Variants in WDR36 observed in about 807,000 individuals in gnomAD.
WDR36 encodes the protein WD repeat domain 36.
Under a neutral mutation model 112.7 loss-of-function variants are expected in WDR36, and 63 were observed. The ratio of observed to expected loss-of-function variants is 0.56; its 90% CI spans 0.46 to 0.69. The LOEUF is 0.69. WDR36 is among the 30% of genes least tolerant of loss of function. The pLI is 0.00. For missense variants in WDR36, 1,226 were observed against 1,070.3 expected (o/e 1.15, Z -2.03); for synonymous variants, 410 against 362.2 (o/e 1.13, Z -1.50).
intron 14 of WDR36, 73 bp from the exon 15 acceptor site, chr5:111,111,097 A>T: frequency 6.4e-7 from 1 of 1,560,778 alleles, no homozygotes; most frequent in South Asian, 1.1e-5. Context: ...TTGATTTAAC[A>T]AAATTCAAGT....
At chr5:111,108,842 A>G (rs1753269697) in intron 12 of WDR36, among the ~76,000 whole-genome samples, 1 of 151,414 alleles carries the variant, frequency 6.6e-6, no homozygotes, top group Middle Eastern at 3.4e-3. Context: ...CTTATAGCCC[A>G]TAGGGATCAC....
chr5:111,109,410 CAA>C (rs1180463395), intron 12 of WDR36, among the ~76,000 whole-genome samples: 1 of 151,174 alleles, frequency 6.6e-6, no homozygotes, highest in East Asian at 1.9e-4. Flanking sequence ...TATGTCGTGA[CAA>C]AGTGGTATGT....
intron 16 of WDR36, 120 bp from the exon 17 acceptor site, chr5:111,118,893 A>T (rs1753508351): frequency 2.7e-6 from 2 of 753,186 alleles, no homozygotes; most frequent in East Asian, 2.7e-5. Flanking sequence ...GCTGGTGATT[A>T]AAAAAAAGAA....
At chr5:111,093,178 A>G (rs1752904060) in intron 1 of WDR36, among the ~76,000 whole-genome samples, 1 of 152,242 alleles carries the variant, frequency 6.6e-6, no homozygotes, top group South Asian at 2.1e-4. Context: ...ATTATACCGT[A>G]GCACCTTTAT....
intron 19 of WDR36, among the ~76,000 whole-genome samples, chr5:111,122,833 G>T (rs2112590312): frequency 6.6e-6 from 1 of 152,146 alleles, no homozygotes; most frequent in East Asian, 1.9e-4. Context: ...ATGTTCCTGA[G>T]AGGTGGGGCA....
At chr5:111,093,273 T>C (rs1752906612) in intron 1 of WDR36, among the ~76,000 whole-genome samples, 1 of 152,244 alleles carries the variant, frequency 6.6e-6, no homozygotes, top group South Asian at 2.1e-4. Flanking sequence ...ATTGTAATAG[T>C]GTCTCTTGTT....
intron 19 of WDR36, 123 bp from the exon 20 acceptor site, chr5:111,123,682 A>C: frequency 7.8e-7 from 1 of 1,286,770 alleles, no homozygotes; most frequent in Admixed American, 2.0e-5. Flanking sequence ...TAACATTCTT[A>C]TGTGAAAGAG....
chr5:111,119,195 T>A, intron 17 of WDR36, 75 bp downstream of exon 17: 1 of 1,163,666 alleles, frequency 8.6e-7, no homozygotes, highest in Non-Finnish European at 1.3e-6. Flanking sequence ...GCTAAAATTG[T>A]CATTTAGGCT....
chr5:111,097,034 A>G (rs1256261710), intron 2 of WDR36, 45 bp from the exon 3 acceptor site: 1 of 1,433,542 alleles, frequency 7.0e-7, no homozygotes, highest in East Asian at 2.3e-5. Flanking sequence ...TTTCTCTTTA[A>G]CATCTTAAAA....
rs1187455844 is a variant in WDR36 at position 111,127,762 on chromosome 5, T to G, written c.*879T>G. 1.4e-5 allele frequency: 3 copies of G among 210,720 alleles called. No individual in the cohort carries two copies. The highest frequency in any genetic ancestry group is 6.8e-5 in the African/African-American group (3 of 44,126). 13.1% of individuals were successfully genotyped at this position (210,720 alleles called of 1,614,324 possible). ...CAAATTCCATTGGAAGATGGCCTTT[T>G]ACTGACACTGCAGACATGTAGATAA... On this transcript the variant is annotated 3_prime_UTR_variant, in exon 23 of 23. Coordinates refer to ENST00000513710, the MANE Select transcript of WDR36 (RefSeq NM_139281.3).
At position 111,119,009 on chromosome 5, in the gene WDR36, G is replaced by A. The variant is rs1006549886; in HGVS notation, c.1797-4G>A. On this transcript the variant is annotated splice_region_variant and splice_polypyrimidine_tract_variant and intron_variant, in intron 16 of 22. Transcript: ENST00000513710. ...TACTTTTAACATGTTAATTATTTCT[G>A]TAGCCTTATAGACTGCTTTTTGTTG... is the stretch of plus-strand genomic sequence containing the variant. The A allele has an allele frequency of 3.7e-6, 6 of 1,608,012 alleles. No individual in the cohort carries two copies. In the African/African-American group the frequency reaches 5.3e-5, roughly 14 times the overall value.
At chr5:111,096,761 A>G (rs1323599033) in intron 2 of WDR36, among the ~76,000 whole-genome samples, 1 of 151,940 alleles carries the variant, frequency 6.6e-6, no homozygotes, top group African/African-American at 2.4e-5. Context: ...TATCTGTCAG[A>G]GCTTTGTGTT....
At position 111,097,119 on chromosome 5, in the gene WDR36, T is replaced by G. The variant is rs2112564659; in HGVS notation, c.231T>G (p.Asp77Glu). The G allele has an allele frequency of 6.2e-7, 1 of 1,613,848 alleles. No homozygotes were observed. Among genetic ancestry groups the G allele is most frequent in the South Asian group, 1.1e-5 (1 of 91,078 alleles). The change falls in exon 3 of 23, where the codon GAT becomes GAG. Residue 77 changes from aspartate to glutamate, a missense_variant. Physicochemically the swap from Asp to Glu is conservative, Grantham distance 45. Coordinates refer to ENST00000513710, the MANE Select transcript of WDR36 (RefSeq NM_139281.3). ...AGGATATCTGCTGTATGGCAGCTGATGGCAGATTAGTCTTTGCTGCTTATG... is the reference window on the plus strand; with the variant it reads ...AGGATATCTGCTGTATGGCAGCTGAGGGCAGATTAGTCTTTGCTGCTTATG... ...VPQDICCMAA[D>E]GRLVFAAYGN... is the part of the protein sequence containing the mutation.
At position 111,113,048 on chromosome 5, in the gene WDR36, A is replaced by ATTT. The variant is rs1348741204; in HGVS notation, c.1717-25_1717-24insTTT. On this transcript the variant is annotated intron_variant, in intron 15 of 22. Transcript: ENST00000513710. ...TTATATATAAATAATATATATATAT[A>ATTT]TATATTTTTTTTTTTTAATTTAAAG... 11 of 458,120 alleles carry ATTT rather than the reference A, an allele frequency of 2.4e-5. No homozygotes were observed. The African/African-American group carries it at 4.8e-4, about 20-fold the overall frequency. 28.4% of individuals were successfully genotyped at this position (458,120 alleles called of 1,614,324 possible). A position where few individuals can be genotyped will look rare whatever the true frequency, so the allele number is the denominator to read the frequency against.
Position 111,127,923 on chromosome 5 carries a change from GTTTTT to G in WDR36, c.*1055_*1059del, listed in dbSNP as rs1174312563. ...GGTTTTTTTTATTTTGTTTTGTTTTGTTTTTTTTTTTTTTTTTTTGGCTACACTTT... is the reference window on the plus strand; with the variant it reads ...GGTTTTTTTTATTTTGTTTTGTTTTGTTTTTTTTTTTTTTGGCTACACTTT... On this transcript the variant is annotated 3_prime_UTR_variant, in exon 23 of 23. Coordinates refer to ENST00000513710, the MANE Select transcript of WDR36 (RefSeq NM_139281.3). 13 of 139,326 alleles carry G rather than the reference GTTTTT, an allele frequency of 9.3e-5. No homozygotes were observed. The highest frequency in any genetic ancestry group is 4.5e-4 in the Admixed American group (6 of 13,432). 8.6% of individuals were successfully genotyped at this position (139,326 alleles called of 1,614,324 possible).
intron 11 of WDR36, 46 bp downstream of exon 11, chr5:111,106,189 T>G: frequency 1.4e-6 from 2 of 1,457,242 alleles, no homozygotes; most frequent in Non-Finnish European, 1.9e-6. Flanking sequence ...CTTTGTCATT[T>G]ATTTCCTACT....
rs776801382 is a variant in WDR36 at position 111,110,942 on chromosome 5, A to G, written c.1596A>G (p.Leu532=). ...GTTCATCTCCAAATATCATGTTGCTACATAGGGACAGGTAAACTTTTAATG... is the reference window on the plus strand; with the variant it reads ...GTTCATCTCCAAATATCATGTTGCTGCATAGGGACAGGTAAACTTTTAATG... The part of the protein sequence containing the change: ...SLSSSPNIML[L]HRDSGILGLA... The change falls in exon 14 of 23, where the codon CTA becomes CTG. Residue 532 remains leucine, a synonymous_variant. Transcript: ENST00000513710. 1 of 1,611,104 alleles carries G rather than the reference A, an allele frequency of 6.2e-7. No homozygotes were observed. The highest frequency in any genetic ancestry group is 8.5e-7 in the Non-Finnish European group (1 of 1,178,264).
At position 111,104,748 on chromosome 5, in the gene WDR36, A is replaced by G. The variant is rs539571012; in HGVS notation, c.958A>G (p.Met320Val). ...TGEGRLLRFRMGHSAPLTNIR... is the reference protein window; with the variant it reads ...TGEGRLLRFRVGHSAPLTNIR... Reference sequence around the variant, plus strand: ...TGAAGGCCGACTTTTGAGATTCAGAATGGGTCATAGTGCTCCTCTTACCAA... The same window carrying G: ...TGAAGGCCGACTTTTGAGATTCAGAGTGGGTCATAGTGCTCCTCTTACCAA... Residue 320 changes from methionine to valine, a missense_variant, in exon 9 of 23, where the codon ATG (methionine) becomes GTG (valine). Met to Val is a conservative substitution (Grantham distance 21, BLOSUM62 1). Coordinates refer to ENST00000513710, the MANE Select transcript of WDR36 (RefSeq NM_139281.3). 5.0e-6 allele frequency: 8 copies of G among 1,611,372 alleles called. No homozygotes were observed. Among genetic ancestry groups the G allele is most frequent in the Admixed American group, 1.7e-5 (1 of 59,822 alleles).
Position 111,105,244 on chromosome 5 carries a change from G to T in WDR36, c.1028-51G>T, listed in dbSNP as rs753196761. The T allele has an allele frequency of 2.0e-6, 3 of 1,537,314 alleles. No homozygotes were observed. In the Admixed American group the frequency reaches 5.0e-5, roughly 26 times the overall value. Reference sequence around the variant, plus strand: ...TTTTATAAAATTTGTGATTCACATAGTCCCTTGTTTTAATGAAGCTTGATT... The same window carrying T: ...TTTTATAAAATTTGTGATTCACATATTCCCTTGTTTTAATGAAGCTTGATT... On this transcript the variant is annotated intron_variant, in intron 9 of 22. Coordinates refer to ENST00000513710, the MANE Select transcript of WDR36 (RefSeq NM_139281.3).
Sources: gnomAD v4.1 joint callset for allele counts (sites outside exome capture counted in the v4.1 genomes callset) on GRCh38, gnomAD v4.1.1 for gene constraint, MANE v1.5 for transcripts, NCBI Gene and HGNC (gene_info 2026-07-23, HGNC 2026-07-21) for gene names.